The following MAML2 variants were observed in gnomAD, a reference collection of about 807,000 sequenced individuals.
The protein encoded by MAML2 is mastermind like transcriptional coactivator 2.
In MAML2, 22 loss-of-function variants were observed where a neutral mutation model predicts 96.1. That is an observed-to-expected ratio of 0.23 (90% confidence interval 0.16 to 0.33). The LOEUF (loss-of-function observed/expected upper bound fraction) is 0.33, where lower values mean the gene tolerates loss of function less well. MAML2 is among the 10% of genes least tolerant of loss of function. The probability of loss-of-function intolerance (pLI) is 1.00; values close to 1 mark genes in which losing one functional copy is unlikely to be tolerated. For synonymous variants in MAML2, 561 were observed against 521.3 expected (o/e 1.08, Z -1.04); for missense variants, 1,367 against 1,392.4 (o/e 0.98, Z 0.29).
intron 2 of MAML2, among the ~76,000 whole-genome samples, chr11:96,064,350 C>G (rs1045974145): frequency 1.3e-5 from 2 of 152,200 alleles, no homozygotes; most frequent in Admixed American, 6.5e-5. Flanking sequence ...GGTCATGTCT[C>G]CTCTAGAAAA....
intron 1 of MAML2, among the ~76,000 whole-genome samples, chr11:96,259,914 G>A (rs904930352): frequency 2.1e-4 from 32 of 151,546 alleles, no homozygotes; most frequent in African/African-American, 7.5e-4. Context: ...AAAGCCTTGG[G>A]ATATACTTTC....
At chr11:96,172,523 G>T (rs1056392642) in intron 1 of MAML2, among the ~76,000 whole-genome samples, 1 of 152,182 alleles carries the variant, frequency 6.6e-6, no homozygotes, top group Non-Finnish European at 1.5e-5. Flanking sequence ...CGAGAAGGAG[G>T]GCTCTGTGCC....
intron 1 of MAML2, among the ~76,000 whole-genome samples, chr11:96,252,394 C>T (rs1862593594): frequency 6.7e-6 from 1 of 150,080 alleles, no homozygotes; most frequent in African/African-American, 2.4e-5. Flanking sequence ...TTGTGCAAGG[C>T]ATTGTTCTCA....
At chr11:96,170,968 G>C (rs1012446805) in intron 1 of MAML2, among the ~76,000 whole-genome samples, 1 of 151,840 alleles carries the variant, frequency 6.6e-6, no homozygotes, top group Middle Eastern at 3.2e-3. Flanking sequence ...CGCCCGCCTC[G>C]GCCTCCCAAA....
intron 1 of MAML2, among the ~76,000 whole-genome samples, chr11:96,105,869 TA>T (rs1860013701): frequency 2.7e-5 from 3 of 112,394 alleles, no homozygotes; most frequent in African/African-American, 8.7e-5. Context: ...TATTTGGTTA[TA>T]ATGGAAAAAA....
At chr11:96,036,231 C>T (rs562653473) in intron 2 of MAML2, among the ~76,000 whole-genome samples, 74 of 152,088 alleles carry the variant, frequency 4.9e-4, no homozygotes, top group African/African-American at 1.6e-3. Flanking sequence ...CACATACAAA[C>T]GGACATAATC....
intron 1 of MAML2, among the ~76,000 whole-genome samples, chr11:96,138,293 T>G (rs1860669590): frequency 6.6e-6 from 1 of 152,186 alleles, no homozygotes; most frequent in South Asian, 2.1e-4. Flanking sequence ...TGTCTCCCTC[T>G]TCAAGTACTG....
intron 2 of MAML2, among the ~76,000 whole-genome samples, chr11:96,081,586 G>A (rs1208759625): frequency 2.0e-5 from 3 of 152,142 alleles, no homozygotes; most frequent in African/African-American, 7.2e-5. Context: ...AGTTAAATGA[G>A]GGCTCAGTTT....
At chr11:96,139,937 T>C (rs1860704840) in intron 1 of MAML2, among the ~76,000 whole-genome samples, 1 of 152,198 alleles carries the variant, frequency 6.6e-6, no homozygotes, top group Admixed American at 6.5e-5. Context: ...GACTGCATAA[T>C]TCTATCTTTA....
intron 1 of MAML2, among the ~76,000 whole-genome samples, chr11:96,234,012 C>T (rs1862333924): frequency 2.0e-5 from 3 of 152,180 alleles, no homozygotes; most frequent in Admixed American, 2.0e-4. Context: ...TCTTTCCATC[C>T]TATATTTAAG....
At chr11:96,274,337 C>T (rs1862957912) in intron 1 of MAML2, among the ~76,000 whole-genome samples, 1 of 152,112 alleles carries the variant, frequency 6.6e-6, no homozygotes, top group Admixed American at 6.5e-5. Context: ...CCACCTCGGC[C>T]TTCCAAAGTA....
chr11:96,097,495 G>T (rs551389621), intron 1 of MAML2, among the ~76,000 whole-genome samples: 1 of 152,230 alleles, frequency 6.6e-6, no homozygotes, highest in Admixed American at 6.5e-5. Flanking sequence ...CCAGAAAACA[G>T]TTAATGATAC....
At chr11:96,174,335 T>TC (rs1393398230) in intron 1 of MAML2, among the ~76,000 whole-genome samples, 12 of 152,328 alleles carry the variant, frequency 7.9e-5, no homozygotes, top group African/African-American at 2.9e-4. Flanking sequence ...TATGGTGATT[T>TC]CCCTCATCTG....
intron 1 of MAML2, among the ~76,000 whole-genome samples, chr11:96,339,197 T>C (rs1198150217): frequency 6.6e-6 from 1 of 152,226 alleles, no homozygotes; most frequent in Non-Finnish European, 1.5e-5. Flanking sequence ...TCTCAGGAGA[T>C]GGCTGGTGGT....
chr11:96,274,644 T>C (rs1381263563), intron 1 of MAML2, among the ~76,000 whole-genome samples: 1 of 152,198 alleles, frequency 6.6e-6, no homozygotes, highest in Admixed American at 6.5e-5. Flanking sequence ...AATTAAACTA[T>C]TACTAATGAA....
At chr11:96,158,879 G>C (rs907526288) in intron 1 of MAML2, among the ~76,000 whole-genome samples, 1 of 152,150 alleles carries the variant, frequency 6.6e-6, no homozygotes, top group Non-Finnish European at 1.5e-5. Flanking sequence ...AAAATCTTTG[G>C]GAGAAATGGT....
At chr11:96,135,419 T>C (rs886196114) in intron 1 of MAML2, among the ~76,000 whole-genome samples, 3 of 152,188 alleles carry the variant, frequency 2.0e-5, no homozygotes, top group African/African-American at 7.2e-5. Context: ...ACCAGGCCTA[T>C]CAGTTAGGCC....
At chr11:96,316,879 T>G (rs1283668415) in intron 1 of MAML2, among the ~76,000 whole-genome samples, 1 of 151,942 alleles carries the variant, frequency 6.6e-6, no homozygotes, top group Non-Finnish European at 1.5e-5. Context: ...ATTCAAGCTA[T>G]GCTTTGAAGA....
At chr11:96,173,818 A>G (rs1237496583) in intron 1 of MAML2, among the ~76,000 whole-genome samples, 1 of 152,236 alleles carries the variant, frequency 6.6e-6, no homozygotes, top group East Asian at 1.9e-4. Flanking sequence ...GCCTCACTCC[A>G]ATAACATTCT....
Sources: allele counts gnomAD v4.1 joint callset (sites outside exome capture counted in the v4.1 genomes callset), GRCh38; gene constraint gnomAD v4.1.1; transcripts MANE v1.5; gene names NCBI Gene and HGNC (gene_info 2026-07-23, HGNC 2026-07-21).